GAN: variants seen among roughly 807,000 people sequenced by gnomAD.
The protein encoded by GAN is gigaxonin, also known as epididymis secretory sperm binding protein.
A neutral mutation model predicts 71.3 loss-of-function variants in GAN; 48 were observed. That is an observed-to-expected ratio of 0.67 (90% CI 0.53 to 0.86). The LOEUF (loss-of-function observed/expected upper bound fraction) is 0.86, where lower values mean the gene tolerates loss of function less well. Ranked by LOEUF, GAN falls within the 40% of genes least tolerant of loss-of-function variation. GAN has a pLI of 0.00. For synonymous variants in GAN, 386 were observed against 276.8 expected, an observed-to-expected ratio of 1.39 and a Z score of -3.92; for missense variants, 928 against 770.1, an observed-to-expected ratio of 1.21 and a Z score of -2.43.
intron 2 of GAN, among the ~76,000 whole-genome samples, chr16:81,353,315 G>A (rs776216651): frequency 2.7e-5 from 4 of 149,834 alleles, no homozygotes; most frequent in Non-Finnish European, 4.4e-5. Context: ...AACGATAGTT[G>A]GAATGTAAGT....
intron 1 of GAN, among the ~76,000 whole-genome samples, chr16:81,343,797 G>A (rs1000506416): frequency 1.1e-4 from 16 of 152,278 alleles, no homozygotes; most frequent in African/African-American, 2.9e-4. Context: ...GCAATAAAGC[G>A]TATTGAAATA....
intron 1 of GAN, among the ~76,000 whole-genome samples, chr16:81,320,138 G>C (rs1308968317): frequency 6.6e-6 from 1 of 152,168 alleles, no homozygotes; most frequent in Non-Finnish European, 1.5e-5. Context: ...TGATGAGCCT[G>C]TTTTGCCATT....
At position 81,383,885 on chromosome 16, in the gene GAN, G is replaced by C. The variant is rs1378685441; in HGVS notation, c.*6289G>C. 2.0e-5 allele frequency: 3 copies of C among 151,964 alleles called. No individual in the cohort carries two copies. The highest frequency in any genetic ancestry group is 7.3e-5 in the African/African-American group (3 of 41,366). 9.4% of individuals were successfully genotyped at this position (151,964 alleles called of 1,614,324 possible). On this transcript the variant is annotated 3_prime_UTR_variant, in exon 11 of 11. Transcript: ENST00000648994. ...CCAAACGGAGGTTCATCTGTCTTCT[G>C]GTTGGTGAATTATATTTATTAGGAT... is the stretch of plus-strand genomic sequence containing the variant.
chr16:81,321,224 C>G (rs910217449), intron 1 of GAN, among the ~76,000 whole-genome samples: 1 of 152,166 alleles, frequency 6.6e-6, no homozygotes, highest in African/African-American at 2.4e-5. Flanking sequence ...TCTTGTTAGA[C>G]TAGTGTCTGT....
In GAN at chr16:81,379,859, C is replaced by T. The variant is rs1904296589; in HGVS notation, c.*2263C>T. ...TCATTATTTAGGAGTGAATGTGTTC[C>T]TCTTGCAATATTATCAGTACCTGCA... is the stretch of plus-strand genomic sequence containing the variant. On this transcript the variant is annotated 3_prime_UTR_variant, in exon 11 of 11. Coordinates refer to ENST00000648994, the MANE Select transcript of GAN (RefSeq NM_022041.4). The T allele has an allele frequency of 6.6e-6, 1 of 151,792 alleles. No individual in the cohort carries two copies. The highest frequency in any genetic ancestry group is 1.5e-5 in the Non-Finnish European group (1 of 67,946). 9.4% of individuals were successfully genotyped at this position (151,792 alleles called of 1,614,324 possible).
chr16:81,354,919 C>T (rs529414821), intron 3 of GAN, among the ~76,000 whole-genome samples, 164 bp downstream of exon 3: 1 of 152,248 alleles, frequency 6.6e-6, no homozygotes, highest in African/African-American at 2.4e-5. Flanking sequence ...GTTGGTTTTT[C>T]AGACCAGTCT....
At chr16:81,327,253 C>G (rs2150670005) in intron 1 of GAN, among the ~76,000 whole-genome samples, 1 of 152,322 alleles carries the variant, frequency 6.6e-6, no homozygotes, top group Admixed American at 6.5e-5. Context: ...TTTTGGAAGG[C>G]ATTTTCAGCT....
chr16:81,319,212 A>ATATATATATATATATC lies in GAN; in HGVS notation c.167+3945_167+3946insATCTATATATATATAT, dbSNP rs1909146271. The stretch of plus-strand genomic sequence containing the variant: ...AAAAAAAAATAGATATAGATTATAT[A>ATATATATATATATATC]TATATATATATATCTAACAACCTTT... On this transcript the variant is annotated intron_variant, in intron 1 of 10. Coordinates refer to ENST00000648994, the MANE Select transcript of GAN (RefSeq NM_022041.4). 4.1e-5 allele frequency among the ~76,000 whole-genome samples: 6 copies of ATATATATATATATATC among 147,864 alleles called. No individual in the cohort carries two copies. The Admixed American group carries it at 4.1e-4, about 10-fold the overall frequency.
At chr16:81,365,256 A>T in intron 8 of GAN, 94 bp from the exon 9 acceptor site, 1 of 1,570,424 alleles carries the variant, frequency 6.4e-7, no homozygotes, top group Non-Finnish European at 8.8e-7. Context: ...CCCACGTAGT[A>T]ATGCTGCAGA....
At chr16:81,343,755 A>C (rs1910024298) in intron 1 of GAN, among the ~76,000 whole-genome samples, 1 of 152,254 alleles carries the variant, frequency 6.6e-6, no homozygotes, top group South Asian at 2.1e-4. Context: ...ATAGTATTGG[A>C]AGTTCCGGCC....
At chr16:81,320,825 A>C (rs150199306) in intron 1 of GAN, among the ~76,000 whole-genome samples, 1 of 152,180 alleles carries the variant, frequency 6.6e-6, no homozygotes, top group Non-Finnish European at 1.5e-5. Flanking sequence ...TCTACTTACT[A>C]TAAGGCGTTC....
chr16:81,326,289 G>A (rs993519318), intron 1 of GAN, among the ~76,000 whole-genome samples: 2 of 151,652 alleles, frequency 1.3e-5, no homozygotes, highest in South Asian at 2.1e-4. Context: ...AGGCTGAAGC[G>A]GGCAGATCAC....
intron 2 of GAN, among the ~76,000 whole-genome samples, chr16:81,352,937 T>G (rs1002383455): frequency 2.6e-5 from 4 of 152,236 alleles, no homozygotes; most frequent in African/African-American, 9.6e-5. Flanking sequence ...AGGCTTGGAT[T>G]TGAAAGTTGA....
chr16:81,363,533 A>G (rs1910747209), intron 6 of GAN, among the ~76,000 whole-genome samples: 1 of 152,218 alleles, frequency 6.6e-6, no homozygotes, highest in African/African-American at 2.4e-5. Flanking sequence ...ACTCGGGGAT[A>G]CATGTGCAGG....
At chr16:81,355,178 G>A (rs1433928122) in intron 3 of GAN, among the ~76,000 whole-genome samples, 1 of 152,174 alleles carries the variant, frequency 6.6e-6, no homozygotes, top group East Asian at 1.9e-4. Context: ...GGGTGGAGGG[G>A]CATGGGCCTG....
At chr16:81,351,484 C>G (rs1015696356) in intron 1 of GAN, 99 bp from the exon 2 acceptor site, 1 of 704,518 alleles carries the variant, frequency 1.4e-6, no homozygotes, top group African/African-American at 1.8e-5. Flanking sequence ...GATTCATATA[C>G]TGATAAGTAT....
intron 9 of GAN, among the ~76,000 whole-genome samples, chr16:81,368,843 A>G (rs1910946784): frequency 1.3e-5 from 2 of 152,234 alleles, no homozygotes; most frequent in African/African-American, 4.8e-5. Context: ...TCAGCCAGGC[A>G]TAGTGGCACA....
rs1904297163 is a variant in GAN at position 81,379,960 on chromosome 16, A to T, written c.*2364A>T. 2 of 152,478 alleles carry T rather than the reference A, an allele frequency of 1.3e-5. No individual in the cohort carries two copies. The highest frequency in any genetic ancestry group is 4.8e-5 in the African/African-American group (2 of 41,406). 9.4% of individuals were successfully genotyped at this position (152,478 alleles called of 1,614,324 possible). A position where few individuals can be genotyped will look rare whatever the true frequency, so the allele number is the denominator to read the frequency against. On this transcript the variant is annotated 3_prime_UTR_variant, in exon 11 of 11. Coordinates refer to ENST00000648994, the MANE Select transcript of GAN (RefSeq NM_022041.4). ...AGTTCATTGACTCTATAACTGCAGA[A>T]ATTAGATAATGTTTTATAAAATAAA... is the stretch of plus-strand genomic sequence containing the variant.
At chr16:81,336,674 C>T (rs1478517660) in intron 1 of GAN, among the ~76,000 whole-genome samples, 1 of 150,536 alleles carries the variant, frequency 6.6e-6, no homozygotes, top group Admixed American at 6.6e-5. Context: ...GAGGAGGTCT[C>T]ACTCTGTTGT....
Sources: allele counts gnomAD v4.1 joint callset (sites outside exome capture counted in the v4.1 genomes callset), GRCh38; gene constraint gnomAD v4.1.1; transcripts MANE v1.5; gene names NCBI Gene and HGNC (gene_info 2026-07-23, HGNC 2026-07-21).